Variants in GAREM2 observed in about 807,000 individuals in gnomAD.
GAREM2 encodes GRB2 associated regulator of MAPK1 subtype 2, also known as GRB2-associated and regulator of MAPK protein 2.
Under a neutral mutation model 55.6 loss-of-function variants are expected in GAREM2, and 30 were observed. The ratio of observed to expected loss-of-function variants is 0.54; its 90% CI spans 0.40 to 0.73. The LOEUF (loss-of-function observed/expected upper bound fraction) is 0.73, where lower values mean the gene tolerates loss of function less well. GAREM2 is among the 30% of genes least tolerant of loss of function. The pLI is 0.00. For synonymous variants in GAREM2, 550 were observed against 569.1 expected, an observed-to-expected ratio of 0.97 and a Z score of 0.48; for missense variants, 1,075 against 1,257.7, an observed-to-expected ratio of 0.85 and a Z score of 2.20.
Position 26,187,280 on chromosome 2 carries a change from C to G in GAREM2, c.1648C>G (p.Leu550Val). The G allele has an allele frequency of 2.0e-6, 3 of 1,476,868 alleles. No individual in the cohort carries two copies. Among genetic ancestry groups the G allele is most frequent in the Non-Finnish European group, 2.7e-6 (3 of 1,110,130 alleles). The allele number at this position is 1,476,868 out of a possible 1,614,324, so 91.5% of individuals were successfully genotyped here. Reference sequence around the variant, plus strand: ...CTCCCCATCGCCGGACACCTACTCCCTCTATTGCTACCCATGCACCTGGGG... The same window carrying G: ...CTCCCCATCGCCGGACACCTACTCCGTCTATTGCTACCCATGCACCTGGGG... ...SGSPSPDTYS[L>V]YCYPCTWGDC... The change falls in exon 6 of 6, where the codon CTC (leucine) becomes GTC (valine). Residue 550 changes from leucine to valine, a missense_variant. Physicochemically the swap from Leu to Val is conservative, Grantham distance 32 (BLOSUM62 1). Around this residue, in one of 6 missense-constraint regions of GAREM2, gnomAD observed 515 missense variants for 501.5 expected, o/e 1.03. Transcript: ENST00000401533.
chr2:26,194,549 A>G (rs1047297627), downstream of GAREM2: 1 of 1,504,438 alleles, frequency 6.6e-7, no homozygotes, highest in African/African-American at 1.4e-5. Flanking sequence ...TGCCGCAAAC[A>G]CTCTGGAGAG....
intron 3 of GAREM2, among the ~76,000 whole-genome samples, chr2:26,183,548 AC>A (rs1669125032): frequency 6.6e-6 from 1 of 152,084 alleles, no homozygotes; most frequent in South Asian, 2.1e-4. Flanking sequence ...ACATGGAGAG[AC>A]CCTGTCTCTA....
chr2:26,191,228 C>T (rs751349213), downstream of GAREM2: 16 of 1,610,566 alleles, frequency 9.9e-6, no homozygotes, highest in Middle Eastern at 4.4e-4. Context: ...AGTGCACTGA[C>T]TGAGCGAGGC....
rs1204914425 is a variant in GAREM2 at position 26,179,150 on chromosome 2, G to A, written c.253+2666G>A. 6.6e-6 allele frequency among the ~76,000 whole-genome samples: 1 copy of A among 152,112 alleles called. No homozygotes were observed. Among genetic ancestry groups the A allele is most frequent in the Non-Finnish European group, 1.5e-5 (1 of 68,016 alleles). ...TCTCCAGGCTGCGGCGCTCTGCTCC[G>A]GGAGTCAGGGAGACCTGGCCTGGCC... On this transcript the variant is annotated intron_variant, in intron 2 of 5. Transcript: ENST00000401533. This position sits in a 1 kb window ranked among gnomAD's most constrained non-coding sequence, Gnocchi z 4.7.
chr2:26,191,724 G>A, downstream of GAREM2: 3 of 1,238,840 alleles, frequency 2.4e-6, no homozygotes, highest in East Asian at 6.9e-5. Context: ...GGGTGCATGG[G>A]GAGCTCTGTG....
At chr2:26,181,027 A>G in intron 2 of GAREM2, 1 of 985,104 alleles carries the variant, frequency 1.0e-6, no homozygotes, top group Non-Finnish European at 1.2e-6. Context: ...CTCCCTTCCC[A>G]GTATCTCTTG....
downstream of GAREM2, chr2:26,191,333 C>T (rs770871669): frequency 1.9e-6 from 3 of 1,613,988 alleles, no homozygotes; most frequent in African/African-American, 1.3e-5. Context: ...TAGGCAGCTT[C>T]ATATTTCTTG....
At chr2:26,182,911 G>A in intron 2 of GAREM2, 56 bp from the exon 3 acceptor site, 1 of 1,544,102 alleles carries the variant, frequency 6.5e-7, no homozygotes, top group South Asian at 1.2e-5. Flanking sequence ...TTGGGACGCA[G>A]GCTAGACTCC....
Position 26,186,274 on chromosome 2 carries a change from C to A in GAREM2, c.1514C>A (p.Pro505Gln). 4 of 1,550,804 alleles carry A rather than the reference C, an allele frequency of 2.6e-6. No homozygotes were observed. Among genetic ancestry groups the A allele is most frequent in the African/African-American group, 2.7e-5 (2 of 73,096 alleles). Residue 505 changes from proline to glutamine, a missense_variant, in exon 5 of 6, where the codon CCG (proline) becomes CAG (glutamine). Around this residue, in one of 6 missense-constraint regions of GAREM2, gnomAD observed 515 missense variants for 501.5 expected, o/e 1.03. Coordinates refer to ENST00000401533, the MANE Select transcript of GAREM2 (RefSeq NM_001168241.2). ...AGCGGCCGGCTCTCCAGCAGCCCCC[C>A]GGTTCCCCCTCGCTTCCCCAAGCTG... is the stretch of plus-strand genomic sequence containing the variant. ...NGSGRLSSSPPVPPRFPKLQP... is the reference protein window; with the variant it reads ...NGSGRLSSSPQVPPRFPKLQP...
intron 2 of GAREM2, chr2:26,180,804 G>A: frequency 2.1e-6 from 1 of 468,602 alleles, no homozygotes; most frequent in Non-Finnish European, 2.8e-6. Context: ...TTTTAGTAGA[G>A]ATGGGGTTTC....
Position 26,187,511 on chromosome 2 carries a change from T to TTTGGAG in GAREM2, c.1880_1885dup (p.Gly628_Ala629insValGly). On this transcript the variant is annotated inframe_insertion, in exon 6 of 6. Coordinates refer to ENST00000401533, the MANE Select transcript of GAREM2 (RefSeq NM_001168241.2). ...ACATCCCCAGAAGCGCTTTGCTCCGTTTGGAGCTCTCAACCCTTTTTCCGG... is the reference window on the plus strand; with the variant it reads ...ACATCCCCAGAAGCGCTTTGCTCCGTTTGGAGTTGGAGCTCTCAACCCTTTTTCCGG... 6.5e-7 allele frequency: 1 copy of TTTGGAG among 1,540,970 alleles called. No homozygotes were observed. The highest frequency in any genetic ancestry group is 8.8e-7 in the Non-Finnish European group (1 of 1,142,230).
downstream of GAREM2, chr2:26,192,465 A>C: frequency 2.8e-6 from 3 of 1,078,694 alleles, no homozygotes; most frequent in Non-Finnish European, 4.3e-6. Flanking sequence ...ATTTGTTCTC[A>C]GGGAGGGAGT....
At chr2:26,181,192 T>C in intron 2 of GAREM2, 3 of 929,004 alleles carry the variant, frequency 3.2e-6, no homozygotes, top group Non-Finnish European at 3.9e-6. Context: ...AGAATAAAGC[T>C]TTACTGCTTT....
At chr2:26,193,639 C>G (rs1277103504), downstream of GAREM2, 16 of 1,614,008 alleles carry the variant, frequency 9.9e-6, no homozygotes, top group Admixed American at 1.7e-5. Flanking sequence ...AAACCGCTCC[C>G]CAAAGACTTT....
rs1234722551 is a variant in GAREM2 at position 26,185,051 on chromosome 2, C to A, written c.1203C>A (p.Pro401=). The A allele has an allele frequency of 8.1e-7, 1 of 1,227,006 alleles. No individual in the cohort carries two copies. Among genetic ancestry groups the A allele is most frequent in the African/African-American group, 1.6e-5 (1 of 63,146 alleles). 76.0% of individuals were successfully genotyped at this position (1,227,006 alleles called of 1,614,324 possible). A position where few individuals can be genotyped will look rare whatever the true frequency, so the allele number is the denominator to read the frequency against. ...ARAPGPLAPA[P]AGEGDQEYVS... Reference sequence around the variant, plus strand: ...CCCCCGGCCCGCTAGCGCCGGCTCCCGCCGGCGAGGGCGACCAGGAGTACG... The same window carrying A: ...CCCCCGGCCCGCTAGCGCCGGCTCCAGCCGGCGAGGGCGACCAGGAGTACG... The change falls in exon 4 of 6, where the codon CCC becomes CCA. Residue 401 remains proline (P), a synonymous_variant. Coordinates refer to ENST00000401533, the MANE Select transcript of GAREM2 (RefSeq NM_001168241.2).
intron 4 of GAREM2, among the ~76,000 whole-genome samples, 184 bp from the exon 5 acceptor site, chr2:26,186,005 G>A (rs1234776151): frequency 6.6e-6 from 1 of 152,186 alleles, no homozygotes; most frequent in Non-Finnish European, 1.5e-5. Context: ...AGATAGGCTG[G>A]GAAGGCTAGG....
chr2:26,199,894 G>A, the GAREM2 span, among the ~76,000 whole-genome samples: 2,076 of 152,156 alleles, frequency 0.014, 40 homozygotes, highest in African/African-American at 0.047. Context: ...AGCTTCCTGC[G>A]GAATGCAGCC....
chr2:26,175,705 C>T (rs1668843215), intron 1 of GAREM2, among the ~76,000 whole-genome samples: 1 of 152,186 alleles, frequency 6.6e-6, no homozygotes, highest in South Asian at 2.1e-4. Flanking sequence ...TAATCAGCTG[C>T]TCTAAGCCCT....
At position 26,173,269 on chromosome 2, in the gene GAREM2, G is replaced by A. The variant is rs1432238230; in HGVS notation, c.49G>A (p.Ala17Thr). The A allele has an allele frequency of 2.1e-6, 3 of 1,422,974 alleles. No individual in the cohort carries two copies. The highest frequency in any genetic ancestry group is 2.8e-6 in the Non-Finnish European group (3 of 1,084,368). The allele number at this position is 1,422,974 out of a possible 1,614,324, so 88.1% of individuals were successfully genotyped here. The change falls in exon 1 of 6, where the codon GCC becomes ACC. Residue 17 changes from alanine to threonine, a missense_variant. Around this residue, in one of 6 missense-constraint regions of GAREM2, gnomAD observed 230 missense variants for 310.6 expected, o/e 0.74. Coordinates refer to ENST00000401533, the MANE Select transcript of GAREM2 (RefSeq NM_001168241.2). Reference sequence around the variant, plus strand: ...GGCCGGCCTGCGCTGGAGCATGGGCGCCTTCCCGCTCGACCTCATCGTCAG... The same window carrying A: ...GGCCGGCCTGCGCTGGAGCATGGGCACCTTCCCGCTCGACCTCATCGTCAG... ...GLAGLRWSMG[A>T]FPLDLIVSRC...
Sources: allele counts gnomAD v4.1 joint callset (sites outside exome capture counted in the v4.1 genomes callset), GRCh38; gene constraint gnomAD v4.1.1; regional missense constraint gnomAD v4.1.1; non-coding constraint Gnocchi (gnomAD v3.1); transcripts MANE v1.5; gene names NCBI Gene and HGNC (gene_info 2026-07-23, HGNC 2026-07-21).